The following GPR161 variants were observed in gnomAD, a reference collection of about 807,000 sequenced individuals.
GPR161 encodes G protein-coupled receptor 161, also known as G-protein coupled receptor RE2.
In GPR161, 25 loss-of-function variants were observed where a neutral mutation model predicts 39.2. The ratio of observed to expected loss-of-function variants is 0.64; its 90% CI spans 0.47 to 0.89. The LOEUF is 0.89. Among genes scored for constraint, GPR161 ranks in the 40% least tolerant of loss-of-function variants. The pLI is 0.00. For missense variants in GPR161, 547 were observed against 677.8 expected (o/e 0.81, Z 2.14); for synonymous variants, 286 against 276.6 (o/e 1.03, Z -0.34).
At chr1:168,095,648 C>G (rs968641557) in intron 3 of GPR161, among the ~76,000 whole-genome samples, 1 of 151,942 alleles carries the variant, frequency 6.6e-6, no homozygotes, top group African/African-American at 2.4e-5. Flanking sequence ...GCATGGACAC[C>G]CCCGGATTGT....
intron 1 of GPR161, among the ~76,000 whole-genome samples, chr1:168,127,899 A>G (rs1361541170): frequency 1.3e-5 from 2 of 152,186 alleles, no homozygotes; most frequent in East Asian, 3.9e-4. Context: ...GAAAAGATGC[A>G]TTGCAAGAGA....
At chr1:168,103,106 T>C (rs1328857942) in intron 2 of GPR161, among the ~76,000 whole-genome samples, 1 of 152,194 alleles carries the variant, frequency 6.6e-6, no homozygotes, top group African/African-American at 2.4e-5. Context: ...TAGCAAGCTA[T>C]GTGAAGTCAT....
intron 1 of GPR161, among the ~76,000 whole-genome samples, chr1:168,105,415 C>T (rs1364053492): frequency 6.6e-6 from 1 of 152,216 alleles, no homozygotes; most frequent in Non-Finnish European, 1.5e-5. Flanking sequence ...TGAGAGCTCA[C>T]TAGAGAGGCA....
chr1:168,109,640 C>G (rs1696932044), intron 1 of GPR161, among the ~76,000 whole-genome samples: 1 of 152,176 alleles, frequency 6.6e-6, no homozygotes, highest in South Asian at 2.1e-4. Context: ...CATGAGAAAT[C>G]AAACATTAAG....
chr1:168,083,145 T>C lies in GPR161; in HGVS notation c.*2386A>G, dbSNP rs1210239889. The C allele has an allele frequency of 6.6e-6, 1 of 152,196 alleles. No homozygotes were observed. Among genetic ancestry groups the C allele is most frequent in the Non-Finnish European group, 1.5e-5 (1 of 68,028 alleles). 9.4% of individuals were successfully genotyped at this position (152,196 alleles called of 1,614,324 possible). A position where few individuals can be genotyped will look rare whatever the true frequency, so the allele number is the denominator to read the frequency against. On this transcript the variant is annotated 3_prime_UTR_variant, in exon 6 of 6. Transcript: ENST00000682931. The stretch of plus-strand genomic sequence containing the variant: ...ACAGGTCCTGCTCCCTAAATCAGAG[T>C]GCACACTTTAGTGGTATTGCCTACA...
intron 2 of GPR161, among the ~76,000 whole-genome samples, chr1:168,103,679 A>G (rs943247664): frequency 2.6e-5 from 4 of 152,082 alleles, no homozygotes; most frequent in African/African-American, 9.7e-5. Context: ...TAACCCCACT[A>G]CTTACTCTCC....
intron 1 of GPR161, among the ~76,000 whole-genome samples, chr1:168,130,635 C>G (rs1698916573): frequency 1.3e-5 from 2 of 152,202 alleles, no homozygotes; most frequent in Non-Finnish European, 2.9e-5. Context: ...GATACCTCTT[C>G]TCTCTATATG....
chr1:168,090,938 G>A (rs562427486), intron 3 of GPR161, among the ~76,000 whole-genome samples: 1 of 152,226 alleles, frequency 6.6e-6, no homozygotes, highest in Non-Finnish European at 1.5e-5. Flanking sequence ...GAGGGCCAGG[G>A]AGCACAATCA....
chr1:168,123,725 G>A (rs1698384388), intron 1 of GPR161, among the ~76,000 whole-genome samples: 1 of 152,110 alleles, frequency 6.6e-6, no homozygotes, highest in Non-Finnish European at 1.5e-5. Context: ...CAAAGTCAAT[G>A]CTTGAAGGTG....
rs1558129896 is a variant in GPR161 at position 168,119,248 on chromosome 1, A to ATG, written c.-44-14355_-44-14354insCA. 6.3e-3 allele frequency among the ~76,000 whole-genome samples: 727 copies of ATG among 115,208 alleles called. 75 individuals carry two copies. Among genetic ancestry groups the ATG allele is most frequent in the African/African-American group, 0.026 (655 of 25,234 alleles). The allele number at this position is 115,208 out of a possible 152,430, so 75.6% of individuals were successfully genotyped here. On this transcript the variant is annotated intron_variant, in intron 1 of 5. Coordinates refer to ENST00000682931, the MANE Select transcript of GPR161 (RefSeq NM_001375883.1). ...TATACGTATATATATATATACACAT[A>ATG]TATATATACGTATATATATGTGTAT...
chr1:168,136,430 G>C (rs1466518023), intron 1 of GPR161: 1 of 1,353,578 alleles, frequency 7.4e-7, no homozygotes, highest in Non-Finnish European at 9.5e-7. Context: ...GGGCGGCGCC[G>C]GAGAAACGGG....
At chr1:168,094,661 G>A (rs1033256460) in intron 3 of GPR161, among the ~76,000 whole-genome samples, 7 of 152,208 alleles carry the variant, frequency 4.6e-5, no homozygotes, top group Non-Finnish European at 7.3e-5. Context: ...TCATGAAGAT[G>A]AGAAATTAAC....
At chr1:168,111,585 A>G (rs184880118) in intron 1 of GPR161, among the ~76,000 whole-genome samples, 2 of 152,366 alleles carry the variant, frequency 1.3e-5, no homozygotes, top group Admixed American at 1.3e-4. Context: ...CATGCTGAGC[A>G]TGGCTGAAAA....
intron 2 of GPR161, among the ~76,000 whole-genome samples, chr1:168,099,457 C>T (rs1203240722): frequency 6.6e-6 from 1 of 152,214 alleles, no homozygotes; most frequent in Non-Finnish European, 1.5e-5. Context: ...TGAATGTTCA[C>T]TGTAGGCCTC....
chr1:168,108,486 T>TA lies in GPR161; in HGVS notation c.-44-3593dup, dbSNP rs10670498. On this transcript the variant is annotated intron_variant, in intron 1 of 5. Transcript: ENST00000682931. ...ATTTTATCCACTGAGGCCCTAGTTG[T>TA]AAAAAAAAAAAAAAAAAAAAAAAAA... Among the ~76,000 whole-genome samples, 28 of 17,472 alleles carry TA rather than the reference T, an allele frequency of 1.6e-3. 4 individuals are homozygous for TA. Among genetic ancestry groups the TA allele is most frequent in the East Asian group, 4.0e-3 (1 of 248 alleles). The allele number at this position is 17,472 out of a possible 152,430, so 11.5% of individuals were successfully genotyped here.
chr1:168,135,089 A>C, intron 1 of GPR161: 1 of 1,458,012 alleles, frequency 6.9e-7, no homozygotes. Context: ...GATTAGTTCC[A>C]AAATGTCAAG....
chr1:168,085,570 G>T lies in GPR161; in HGVS notation c.1551C>A (p.Ser517Arg). 6.2e-7 allele frequency: 1 copy of T among 1,613,960 alleles called. No individual in the cohort carries two copies. The part of the protein sequence containing the change: ...TLVSQRLQLQ[S>R]IEEGDVLAAE... ...CAGCTAAAACATCTCCTTCTTCGAT[G>T]CTCTGCAACTGCAGCCTCTGGCTCA... Residue 517 changes from serine to arginine, a missense_variant, in exon 6 of 6, where the codon AGC (serine) becomes AGA (arginine). By Grantham distance (110) the Ser-to-Arg change is moderately radical. Coordinates refer to ENST00000682931, the MANE Select transcript of GPR161 (RefSeq NM_001375883.1).
intron 1 of GPR161, among the ~76,000 whole-genome samples, chr1:168,128,382 T>C (rs1032178733): frequency 7.2e-5 from 11 of 152,188 alleles, no homozygotes; most frequent in Admixed American, 6.5e-4. Context: ...GGGGATGCTA[T>C]TGGCACCTAA....
rs1694170941 is a variant in GPR161 at position 168,082,848 on chromosome 1, C to T, written c.*2683G>A. On this transcript the variant is annotated 3_prime_UTR_variant, in exon 6 of 6. Coordinates refer to ENST00000682931, the MANE Select transcript of GPR161 (RefSeq NM_001375883.1). ...AACGGCAGATATCCTCAGAAATGCT[C>T]TCAGGAACTTCAAAATGTGTGAAAA... 6.6e-6 allele frequency: 1 copy of T among 152,296 alleles called. No individual in the cohort carries two copies. The highest frequency in any genetic ancestry group is 2.4e-5 in the African/African-American group (1 of 41,460). The allele number at this position is 152,296 out of a possible 1,614,324, so 9.4% of individuals were successfully genotyped here. A position where few individuals can be genotyped will look rare whatever the true frequency, so the allele number is the denominator to read the frequency against.
Sources: gnomAD v4.1 joint callset for allele counts (sites outside exome capture counted in the v4.1 genomes callset) on GRCh38, gnomAD v4.1.1 for gene constraint, MANE v1.5 for transcripts, NCBI Gene and HGNC (gene_info 2026-07-23, HGNC 2026-07-21) for gene names.